INPP4B: variants seen among roughly 807,000 people sequenced by gnomAD.
The protein encoded by INPP4B is inositol polyphosphate-4-phosphatase type II B.
A neutral mutation model predicts 122.5 loss-of-function variants in INPP4B; 55 were observed. The ratio of observed to expected loss-of-function variants is 0.45; its 90% CI spans 0.36 to 0.56. The LOEUF (loss-of-function observed/expected upper bound fraction) is 0.56, where lower values mean the gene tolerates loss of function less well. Among genes scored for constraint, INPP4B ranks in the 20% least tolerant of loss-of-function variants. The pLI, the probability that INPP4B is intolerant of heterozygous loss-of-function variation, is 0.00. For missense variants in INPP4B, 1,000 were observed against 1,097.7 expected, an observed-to-expected ratio of 0.91 and a Z score of 1.26; for synonymous variants, 403 against 388.7, an observed-to-expected ratio of 1.04 and a Z score of -0.43.
At chr4:142,841,804 T>G (rs28533753) in intron 1 of INPP4B, among the ~76,000 whole-genome samples, 8,649 of 151,998 alleles carry the variant, frequency 0.057, 275 homozygotes, top group Middle Eastern at 0.13. Context: ...ATGCTGTTAC[T>G]CCAATCATTA....
At chr4:142,666,039 A>C (rs1334356881) in intron 2 of INPP4B, among the ~76,000 whole-genome samples, 5 of 152,238 alleles carry the variant, frequency 3.3e-5, no homozygotes, top group East Asian at 1.9e-4. Context: ...ATTTCTCTCT[A>C]AAAATATCTT....
chr4:142,646,939 T>A lies in INPP4B; in HGVS notation c.-191+78900A>T, dbSNP rs962746584. ...CACAAAAAGGAATGAAATTTTAACA[T>A]ACTAGGTGGCTCACCTGTGAGCAAC... On this transcript the variant is annotated intron_variant, in intron 2 of 25. Transcript: ENST00000262992. 2.0e-5 allele frequency among the ~76,000 whole-genome samples: 3 copies of A among 152,202 alleles called. No homozygotes were observed. The South Asian group carries it at 6.2e-4, about 31-fold the overall frequency.
chr4:142,459,522 G>A (rs1452811797), intron 3 of INPP4B, among the ~76,000 whole-genome samples: 1 of 152,074 alleles, frequency 6.6e-6, no homozygotes, highest in Non-Finnish European at 1.5e-5. Context: ...TGTGAATAAA[G>A]ACTAAAAGGT....
At chr4:142,704,002 T>C (rs987902835) in intron 2 of INPP4B, among the ~76,000 whole-genome samples, 23 of 152,234 alleles carry the variant, frequency 1.5e-4, no homozygotes, top group African/African-American at 5.5e-4. Context: ...AATGGGGTGG[T>C]ACCTCCCCAA....
intron 2 of INPP4B, among the ~76,000 whole-genome samples, chr4:142,532,492 C>T (rs373823787): frequency 6.6e-6 from 1 of 152,060 alleles, no homozygotes; most frequent in East Asian, 1.9e-4. Context: ...TCATCCCTGG[C>T]TTCCCTTTTT....
intron 2 of INPP4B, among the ~76,000 whole-genome samples, chr4:142,615,743 G>T (rs900706491): frequency 6.6e-6 from 1 of 152,058 alleles, no homozygotes; most frequent in Non-Finnish European, 1.5e-5. Context: ...AGGTTTTTCT[G>T]AGGTCCCCTT....
At chr4:142,413,951 G>A (rs1295114726) in intron 5 of INPP4B, among the ~76,000 whole-genome samples, 2 of 152,064 alleles carry the variant, frequency 1.3e-5, no homozygotes. Flanking sequence ...TTGAGGAAAG[G>A]ATGAATCTAA....
chr4:142,397,536 G>A (rs1293513357), intron 7 of INPP4B, among the ~76,000 whole-genome samples: 1 of 152,072 alleles, frequency 6.6e-6, no homozygotes, highest in African/African-American at 2.4e-5. Flanking sequence ...TGATCAACTT[G>A]TAAGCTTCAA....
At chr4:142,783,249 T>G (rs1775175588) in intron 1 of INPP4B, among the ~76,000 whole-genome samples, 1 of 151,920 alleles carries the variant, frequency 6.6e-6, no homozygotes, top group African/African-American at 2.4e-5. Flanking sequence ...GGGAGAAAAT[T>G]TTTGCAATAT....
At chr4:142,124,825 C>G in intron 18 of INPP4B, 65 bp from the exon 19 acceptor site, 1 of 1,156,806 alleles carries the variant, frequency 8.6e-7, no homozygotes, top group Middle Eastern at 2.8e-4. Context: ...TAATGCAGAA[C>G]CAACTTCCAA....
intron 1 of INPP4B, among the ~76,000 whole-genome samples, chr4:142,735,465 T>C (rs1263812356): frequency 6.6e-6 from 1 of 152,252 alleles, no homozygotes; most frequent in Non-Finnish European, 1.5e-5. Flanking sequence ...TCTAAGTTAC[T>C]GTCTTGCATA....
At chr4:142,626,405 G>C (rs1746414952) in intron 2 of INPP4B, among the ~76,000 whole-genome samples, 1 of 151,996 alleles carries the variant, frequency 6.6e-6, no homozygotes, top group South Asian at 2.1e-4. Context: ...TGTTGGCTTT[G>C]AAAATGAAAG....
At chr4:142,179,545 C>A (rs1325053484) in intron 15 of INPP4B, among the ~76,000 whole-genome samples, 1 of 30,266 alleles carries the variant, frequency 3.3e-5, no homozygotes, top group Non-Finnish European at 7.4e-5. Context: ...GTTGATTCTG[C>A]CATTTATTAG....
intron 25 of INPP4B, among the ~76,000 whole-genome samples, chr4:142,079,617 G>T (rs1280226144): frequency 6.6e-5 from 10 of 151,940 alleles, no homozygotes; most frequent in Admixed American, 6.6e-4. Context: ...AATTTCTAAG[G>T]TGACTTCTTT....
chr4:142,772,564 A>C (rs2151003401), intron 1 of INPP4B, among the ~76,000 whole-genome samples: 1 of 152,286 alleles, frequency 6.6e-6, no homozygotes, highest in East Asian at 1.9e-4. Context: ...GAAGGTGCAA[A>C]AGCAAATGCA....
rs868238256 is a variant in INPP4B, at chr4:142,215,987, C to T, written c.837-6961G>A. 1.4e-4 allele frequency among the ~76,000 whole-genome samples: 20 copies of T among 142,294 alleles called. 1 individual carries two copies. The highest frequency in any genetic ancestry group is 4.4e-4 in the Admixed American group (6 of 13,706). 93.4% of individuals were successfully genotyped at this position (142,294 alleles called of 152,430 possible). A position where few individuals can be genotyped will look rare whatever the true frequency, so the allele number is the denominator to read the frequency against. On this transcript the variant is annotated intron_variant, in intron 12 of 25. Coordinates refer to ENST00000262992, the MANE Select transcript of INPP4B (RefSeq NM_001101669.3). ...AAATAGTTGCATACCATTACAAAGC[C>T]TTTGGCATGGGTAGCAAAGGAGATT...
intron 2 of INPP4B, among the ~76,000 whole-genome samples, chr4:142,703,351 T>C (rs1031651059): frequency 2.0e-5 from 3 of 152,214 alleles, no homozygotes; most frequent in African/African-American, 4.8e-5. Context: ...ATAATGATAA[T>C]ACATTCTGCA....
At chr4:142,681,096 A>G (rs1035918421) in intron 2 of INPP4B, among the ~76,000 whole-genome samples, 3 of 151,870 alleles carry the variant, frequency 2.0e-5, no homozygotes, top group African/African-American at 7.2e-5. Context: ...ATTCAAGTCT[A>G]TATATAATGC....
intron 2 of INPP4B, among the ~76,000 whole-genome samples, chr4:142,526,950 G>C (rs1342973803): frequency 3.3e-5 from 5 of 152,016 alleles, no homozygotes; most frequent in Non-Finnish European, 5.9e-5. Flanking sequence ...AGATAATGCT[G>C]TCTGTGATGT....
Sources: allele counts gnomAD v4.1 joint callset (sites outside exome capture counted in the v4.1 genomes callset), GRCh38; gene constraint gnomAD v4.1.1; transcripts MANE v1.5; gene names NCBI Gene and HGNC (gene_info 2026-07-23, HGNC 2026-07-21).